The following CADM2 variants were observed in gnomAD, a reference collection of about 807,000 sequenced individuals.
CADM2 encodes immunoglobulin superfamily member 4D.
CADM2 carries 12 observed loss-of-function variants against 49.8 expected under a neutral mutation model. The ratio of observed to expected loss-of-function variants is 0.24; its 90% confidence interval spans 0.15 to 0.39. The LOEUF (loss-of-function observed/expected upper bound fraction) is 0.39. CADM2 is among the 10% of genes least tolerant of loss of function. The pLI is 1.00. For synonymous variants in CADM2, 214 were observed against 175.4 expected, an observed-to-expected ratio of 1.22 and a Z score of -1.74; for missense variants, 378 against 492.3, an observed-to-expected ratio of 0.77 and a Z score of 2.20.
At chr3:85,762,390 T>C (rs1402094355) in intron 2 of CADM2, among the ~76,000 whole-genome samples, 1 of 152,138 alleles carries the variant, frequency 6.6e-6, no homozygotes, top group Non-Finnish European at 1.5e-5. Flanking sequence ...GGAATCAACA[T>C]TAATTTCACA....
chr3:86,015,411 A>T (rs1385947522), intron 8 of CADM2, among the ~76,000 whole-genome samples: 1 of 152,192 alleles, frequency 6.6e-6, no homozygotes, highest in Non-Finnish European at 1.5e-5. Flanking sequence ...AGCATTTATT[A>T]TCACTGTGGA....
intron 1 of CADM2, among the ~76,000 whole-genome samples, chr3:85,465,668 G>A (rs766449513): frequency 3.3e-5 from 5 of 152,086 alleles, no homozygotes; most frequent in Admixed American, 1.3e-4. Flanking sequence ...GATTATAGGC[G>A]TGTTACATTT....
chr3:85,513,677 T>C (rs1226760008), intron 1 of CADM2, among the ~76,000 whole-genome samples: 1 of 151,994 alleles, frequency 6.6e-6, no homozygotes, highest in African/African-American at 2.4e-5. Context: ...CATAAACTGT[T>C]AGTTGGATTC....
At chr3:85,134,290 A>G (rs578176750) in intron 1 of CADM2, among the ~76,000 whole-genome samples, 1 of 152,296 alleles carries the variant, frequency 6.6e-6, no homozygotes, top group East Asian at 1.9e-4. Context: ...GGCCTTGGCC[A>G]GCCCAGAAAG....
At chr3:85,534,920 C>T (rs1323362408) in intron 1 of CADM2, among the ~76,000 whole-genome samples, 1 of 152,066 alleles carries the variant, frequency 6.6e-6, no homozygotes, top group Non-Finnish European at 1.5e-5. Context: ...GTCATAATCT[C>T]TATAAATTTT....
chr3:85,556,071 C>G (rs561155538), intron 1 of CADM2, among the ~76,000 whole-genome samples: 1 of 152,168 alleles, frequency 6.6e-6, no homozygotes, highest in East Asian at 1.9e-4. Context: ...ACTTTTGACT[C>G]CTCCAAAACT....
intron 1 of CADM2, among the ~76,000 whole-genome samples, chr3:85,664,427 T>C (rs2065502076): frequency 6.6e-6 from 1 of 151,972 alleles, no homozygotes; most frequent in Admixed American, 6.6e-5. Flanking sequence ...TCCTTTTAGT[T>C]TCTAAGGACA....
At chr3:85,879,284 AC>A (rs2108378181) in intron 3 of CADM2, among the ~76,000 whole-genome samples, 1 of 152,128 alleles carries the variant, frequency 6.6e-6, no homozygotes, top group South Asian at 2.1e-4. Flanking sequence ...AAATTCAGTC[AC>A]AAGCACAGAC....
intron 1 of CADM2, among the ~76,000 whole-genome samples, chr3:85,070,683 C>A (rs1275944518): frequency 6.6e-6 from 1 of 152,030 alleles, no homozygotes; most frequent in Non-Finnish European, 1.5e-5. Flanking sequence ...ATAAATATGG[C>A]ATAGTTTAAC....
At chr3:85,539,055 T>C (rs35438712) in intron 1 of CADM2, among the ~76,000 whole-genome samples, 77,538 of 151,454 alleles carry the variant, frequency 0.51, 22,926 homozygotes, top group East Asian at 0.85. Context: ...GAATTTCATA[T>C]CTCTATGATG....
Position 85,087,060 on chromosome 3 carries a change from A to G in CADM2, c.61+127392A>G, listed in dbSNP as rs534296754. ...GCTTGTACACATAAAACATAAAGAT[A>G]AAATTGGAATTCTAGAGCAGTTTCT... On this transcript the variant is annotated intron_variant, in intron 1 of 9. Transcript: ENST00000383699. Among the ~76,000 whole-genome samples the G allele has an allele frequency of 2.6e-5, 4 of 152,294 alleles. No homozygotes were observed. In the South Asian group the frequency reaches 6.2e-4, roughly 24 times the overall value.
chr3:85,261,412 G>A (rs1421263859), intron 1 of CADM2, among the ~76,000 whole-genome samples: 1 of 152,118 alleles, frequency 6.6e-6, no homozygotes, highest in Non-Finnish European at 1.5e-5. Context: ...AGGATTACAG[G>A]TGTGAGCCAC....
At chr3:85,871,146 A>G (rs780640470) in intron 3 of CADM2, among the ~76,000 whole-genome samples, 19 of 152,232 alleles carry the variant, frequency 1.2e-4, no homozygotes, top group Admixed American at 2.0e-4. Flanking sequence ...TGCATCTGAC[A>G]AAGGTCTAAT....
chr3:84,995,017 G>A (rs2033101208), intron 1 of CADM2, among the ~76,000 whole-genome samples: 1 of 152,226 alleles, frequency 6.6e-6, no homozygotes. Flanking sequence ...GCGACAGTGT[G>A]AGACTCTGTC....
chr3:85,471,486 A>G lies in CADM2; in HGVS notation c.62-255036A>G, dbSNP rs573550685. On this transcript the variant is annotated intron_variant, in intron 1 of 9. Transcript: ENST00000383699. ...AGAGAAAACCAAATGTAGGTGGACC[A>G]TAAGCAATCTGTGCCAAAGACTCAA... Among the ~76,000 whole-genome samples the G allele has an allele frequency of 8.5e-5, 13 of 152,246 alleles. No homozygotes were observed. The South Asian group carries it at 2.5e-3, about 29-fold the overall frequency.
chr3:85,522,482 G>A (rs2061046413), intron 1 of CADM2, among the ~76,000 whole-genome samples: 2 of 152,020 alleles, frequency 1.3e-5, no homozygotes, highest in South Asian at 4.2e-4. Flanking sequence ...ATAAAGATCA[G>A]AAACTTAATA....
chr3:85,567,452 TA>T (rs1274738959), intron 1 of CADM2, among the ~76,000 whole-genome samples: 5 of 152,210 alleles, frequency 3.3e-5, no homozygotes, highest in African/African-American at 4.8e-5. Context: ...GCAATAAAAT[TA>T]AAAAACTAAT....
intron 1 of CADM2, among the ~76,000 whole-genome samples, chr3:85,433,598 A>G (rs962741759): frequency 1.3e-5 from 2 of 152,136 alleles, no homozygotes; most frequent in African/African-American, 2.4e-5. Flanking sequence ...GCAAATAAGG[A>G]TGGGTTATGC....
At chr3:85,755,524 C>A (rs1242204606) in intron 2 of CADM2, among the ~76,000 whole-genome samples, 1 of 152,072 alleles carries the variant, frequency 6.6e-6, no homozygotes, top group Non-Finnish European at 1.5e-5. Context: ...ATTAGTAGTC[C>A]ATTCTTGCAC....
Sources: gnomAD v4.1 joint callset for allele counts (sites outside exome capture counted in the v4.1 genomes callset) on GRCh38, gnomAD v4.1.1 for gene constraint, MANE v1.5 for transcripts, NCBI Gene and HGNC (gene_info 2026-07-23, HGNC 2026-07-21) for gene names.